DNAH3: variants seen among roughly 807,000 people sequenced by gnomAD.
DNAH3 encodes axonemal beta dynein heavy chain 3.
A neutral mutation model predicts 432.5 loss-of-function variants in DNAH3; 332 were observed. The observed-to-expected ratio is 0.77, with a 90% CI of 0.70 to 0.84. The LOEUF (loss-of-function observed/expected upper bound fraction) is 0.84. Among genes scored for constraint, DNAH3 ranks in the 40% least tolerant of loss-of-function variants. DNAH3 has a pLI of 0.00. For missense variants in DNAH3, 4,861 were observed against 5,114.0 expected, an observed-to-expected ratio of 0.95 and a Z score of 1.51; for synonymous variants, 1,956 against 1,900.2, an observed-to-expected ratio of 1.03 and a Z score of -0.76.
At position 21,117,583 on chromosome 16, in the gene DNAH3, T is replaced by C. The variant is rs145547380; in HGVS notation, c.1700-266A>G. 5.8e-3 allele frequency among the ~76,000 whole-genome samples: 876 copies of C among 152,162 alleles called. 15 individuals are homozygous for C. Among genetic ancestry groups the C allele is most frequent in the African/African-American group, 0.02 (836 of 41,508 alleles). On this transcript the variant is annotated intron_variant, in intron 11 of 61. Coordinates refer to ENST00000261383, the Ensembl canonical transcript of DNAH3. ...TTTCAAGGGTCTTGTCCTTTGAGAG[T>C]CCCCCTTGTCCTGCTCACCGCCCCA...
intron 36 of DNAH3, among the ~76,000 whole-genome samples, chr16:21,032,487 A>G (rs1310018405): frequency 6.6e-6 from 1 of 152,158 alleles, no homozygotes; most frequent in Non-Finnish European, 1.5e-5. Context: ...AGTAGGGAAA[A>G]GTTGAAGTGC....
intron 50 of DNAH3, among the ~76,000 whole-genome samples, chr16:20,978,661 G>A (rs2085710693): frequency 6.6e-6 from 1 of 152,168 alleles, no homozygotes; most frequent in South Asian, 2.1e-4. Flanking sequence ...AGCCTCCCAA[G>A]TAGTTGAGAC....
chr16:21,081,390 A>AC (rs967045979), intron 20 of DNAH3, among the ~76,000 whole-genome samples: 8 of 151,714 alleles, frequency 5.3e-5, no homozygotes, highest in African/African-American at 1.9e-4. Context: ...TTAAAAAAAA[A>AC]AAAAACCCTT....
chr16:21,032,253 C>T (rs1358044247), intron 36 of DNAH3, among the ~76,000 whole-genome samples: 1 of 152,122 alleles, frequency 6.6e-6, no homozygotes, highest in South Asian at 2.1e-4. Context: ...AAACGGGAAA[C>T]AGCTGACAGG....
intron 53 of DNAH3, among the ~76,000 whole-genome samples, chr16:20,959,610 AACACACACACACACACACACACAC>A (rs55757849): frequency 1.1e-4 from 15 of 137,564 alleles, no homozygotes; most frequent in Admixed American, 5.1e-4. Context: ...TCTCTATTTA[AACACACACACACACACACACACAC>A]ACACACACAC....
intron 41 of DNAH3, among the ~76,000 whole-genome samples, 178 bp from the exon 42 acceptor site, chr16:21,003,385 T>A (rs1216424847): frequency 6.6e-6 from 1 of 152,248 alleles, no homozygotes; most frequent in Admixed American, 6.5e-5. Context: ...ACAACACTTT[T>A]TAAAGAGTAG....
chr16:21,062,656 C>T (rs1367805783), exon 25 of DNAH3: 3 of 1,613,668 alleles, frequency 1.9e-6, no homozygotes, highest in Non-Finnish European at 2.5e-6. Context: ...AGATTTCCAG[C>T]AGCTCATCGT....
intron 57 of DNAH3, among the ~76,000 whole-genome samples, chr16:20,947,578 G>A (rs1383375823): frequency 1.3e-5 from 2 of 152,032 alleles, no homozygotes; most frequent in Non-Finnish European, 2.9e-5. Context: ...CCAGGTAGAT[G>A]GTATTGGAAT....
At chr16:20,942,561 A>T (rs1479092682) in intron 58 of DNAH3, among the ~76,000 whole-genome samples, 1 of 152,188 alleles carries the variant, frequency 6.6e-6, no homozygotes, top group African/African-American at 2.4e-5. Flanking sequence ...CAAATCATGA[A>T]AGCAAATTAG....
At chr16:21,137,444 C>T (rs1490267394) in intron 5 of DNAH3, among the ~76,000 whole-genome samples, 15 of 142,470 alleles carry the variant, frequency 1.1e-4, no homozygotes, top group African/African-American at 3.9e-4. Context: ...TTTTTTGACA[C>T]AGAATTTCAC....
In DNAH3 at chr16:21,040,475, G is replaced by A. The variant is rs138830342; in HGVS notation, c.4639-532C>T. On this transcript the variant is annotated intron_variant, in intron 32 of 61. Transcript: ENST00000261383. ...CGCCTCCCAGGTTCAAGCGATTCTC[G>A]TGCCTCAGCCTCCCAAACACCTGGG... 2.2e-3 allele frequency among the ~76,000 whole-genome samples: 326 copies of A among 145,964 alleles called. 1 individual carries two copies. Among genetic ancestry groups the A allele is most frequent in the African/African-American group, 8.0e-3 (314 of 39,322 alleles).
chr16:20,983,129 T>G (rs993553807), intron 48 of DNAH3, among the ~76,000 whole-genome samples: 2 of 152,080 alleles, frequency 1.3e-5, no homozygotes, highest in Non-Finnish European at 2.9e-5. Flanking sequence ...AAATTTTAAT[T>G]TTTTATTTTT....
rs1406243487 is a variant in DNAH3 at position 21,027,146 on chromosome 16, G to T, written c.5440-19C>A. ...GACACAGCTAAAAGTGCAAAGCAGAGGGTAGCAGACAGGGGAAAGGCTTAA... is the reference window on the plus strand; with the variant it reads ...GACACAGCTAAAAGTGCAAAGCAGATGGTAGCAGACAGGGGAAAGGCTTAA... On this transcript the variant is annotated intron_variant, in intron 37 of 61. Transcript: ENST00000261383. The T allele has an allele frequency of 3.5e-5, 56 of 1,581,628 alleles. No homozygotes were observed. Among genetic ancestry groups the T allele is most frequent in the Non-Finnish European group, 4.9e-5 (56 of 1,150,872 alleles).
intron 41 of DNAH3, among the ~76,000 whole-genome samples, chr16:21,016,791 G>A (rs112454778): frequency 3.3e-5 from 5 of 152,158 alleles, no homozygotes; most frequent in African/African-American, 9.7e-5. Context: ...TAAACAAAAC[G>A]TGGTGTATAC....
intron 50 of DNAH3, 39 bp from the exon 51 acceptor site, chr16:20,975,454 C>A (rs774028697): frequency 3.2e-6 from 5 of 1,582,010 alleles, no homozygotes; most frequent in African/African-American, 2.7e-5. Flanking sequence ...AGGGTCAGCA[C>A]TGAAAATGGC....
At chr16:21,062,995 G>T (rs2090416315) in intron 24 of DNAH3, 1 of 269,114 alleles carries the variant, frequency 3.7e-6, no homozygotes, top group Non-Finnish European at 7.1e-6. Flanking sequence ...GCTTGGAGAT[G>T]GTTTTGACTC....
At chr16:21,072,328 T>C (rs2090819470) in intron 21 of DNAH3, among the ~76,000 whole-genome samples, 1 of 152,138 alleles carries the variant, frequency 6.6e-6, no homozygotes. Context: ...ATGTGCCATG[T>C]ATTTATTTAT....
At chr16:21,122,418 A>G (rs1458799859) in intron 9 of DNAH3, among the ~76,000 whole-genome samples, 1 of 152,102 alleles carries the variant, frequency 6.6e-6, no homozygotes, top group Non-Finnish European at 1.5e-5. Flanking sequence ...CTAGCCAGGC[A>G]TGGTGATGGG....
In DNAH3 at chr16:20,974,833, A is replaced by AT. The variant is rs200605280; in HGVS notation, c.8259+399dup. ...TCGCCTACCCCTTATTATTATTATT[A>AT]TTTTTTTAGAGTTTCACTCTTGCCG... On this transcript the variant is annotated intron_variant, in intron 51 of 61. Coordinates refer to ENST00000261383, the Ensembl canonical transcript of DNAH3. Among the ~76,000 whole-genome samples the AT allele has an allele frequency of 9.4e-3, 1,410 of 150,150 alleles. 25 individuals are homozygous for AT. Among genetic ancestry groups the AT allele is most frequent in the African/African-American group, 0.032 (1,313 of 40,832 alleles).
Sources: allele counts gnomAD v4.1 joint callset (sites outside exome capture counted in the v4.1 genomes callset), GRCh38; gene constraint gnomAD v4.1.1; transcripts MANE v1.5; gene names NCBI Gene and HGNC (gene_info 2026-07-23, HGNC 2026-07-21).